The following PREX1 variants were observed in gnomAD, a reference collection of about 807,000 sequenced individuals.
The protein encoded by PREX1 is phosphatidylinositol-3,4,5-trisphosphate dependent Rac exchange factor 1.
Under a neutral mutation model 198.3 loss-of-function variants are expected in PREX1, and 41 were observed. The observed-to-expected ratio is 0.21, with a 90% CI of 0.16 to 0.27. PREX1 has a LOEUF of 0.27. PREX1 is among the 10% of genes least tolerant of loss of function. The probability of loss-of-function intolerance (pLI) is 1.00; values close to 1 mark genes in which losing one functional copy is unlikely to be tolerated. For missense variants in PREX1, 1,620 were observed against 2,200.7 expected (o/e 0.74, Z 5.28); for synonymous variants, 843 against 887.2 (o/e 0.95, Z 0.89).
intron 2 of PREX1, among the ~76,000 whole-genome samples, chr20:48,747,595 T>C (rs1392074663): frequency 1.3e-5 from 2 of 152,148 alleles, no homozygotes; most frequent in African/African-American, 4.8e-5. Flanking sequence ...GGGCTAAAAA[T>C]TCCTGCTGAC....
Position 48,679,376 on chromosome 20 carries a change from A to G in PREX1, c.1573T>C (p.Tyr525His). The change falls in exon 13 of 40, where the codon TAC becomes CAC. Residue 525 changes from tyrosine (Y) to histidine (H), a missense_variant. Around this residue, in one of 7 missense-constraint regions of PREX1, gnomAD observed 488 missense variants for 802.5 expected, o/e 0.61. Transcript: ENST00000371941. ...GTAACTTACTTGATCACCGGGGTGT[A>G]GAGGCTGTGAAGACGGCAGTAAAGC... Reference protein sequence around the residue: ...VRLYCRLHSLYTPVIKDRDYH... With the variant: ...VRLYCRLHSLHTPVIKDRDYH... The G allele has an allele frequency of 1.2e-6, 2 of 1,613,538 alleles. No individual in the cohort carries two copies. Among genetic ancestry groups the G allele is most frequent in the Non-Finnish European group, 1.7e-6 (2 of 1,179,488 alleles).
At chr20:48,831,987 C>G (rs1388272846), upstream of PREX1, among the ~76,000 whole-genome samples, 1 of 152,120 alleles carries the variant, frequency 6.6e-6, no homozygotes, top group Non-Finnish European at 1.5e-5. Context: ...ACCTCTATTC[C>G]CTTCTTCCCC....
Position 48,727,073 on chromosome 20 carries a change from G to A in PREX1, c.520-682C>T, listed in dbSNP as rs560210595. Among the ~76,000 whole-genome samples the A allele has an allele frequency of 6.6e-5, 10 of 152,294 alleles. No homozygotes were observed. The South Asian group carries it at 1.9e-3, about 28-fold the overall frequency. Reference sequence around the variant, plus strand: ...CATAAAACTATGCGCTGTTTATGGAGAGCATGTATGAGGTCAAATATAAAG... The same window carrying A: ...CATAAAACTATGCGCTGTTTATGGAAAGCATGTATGAGGTCAAATATAAAG... On this transcript the variant is annotated intron_variant, in intron 4 of 39. Coordinates refer to ENST00000371941, the MANE Select transcript of PREX1 (RefSeq NM_020820.4).
At chr20:48,709,911 G>A (rs1220895406) in intron 5 of PREX1, among the ~76,000 whole-genome samples, 1 of 152,144 alleles carries the variant, frequency 6.6e-6, no homozygotes, top group Admixed American at 6.5e-5. Context: ...TTCCCTGTCC[G>A]AAAACAAACA....
chr20:48,696,170 T>A (rs956605343), intron 7 of PREX1, among the ~76,000 whole-genome samples: 2 of 152,262 alleles, frequency 1.3e-5, no homozygotes, highest in African/African-American at 4.8e-5. Flanking sequence ...AGATATTTGC[T>A]TACTCCTAAA....
At chr20:48,726,158 G>C (rs1194961015) in intron 5 of PREX1, 132 bp downstream of exon 5, 3 of 684,026 alleles carry the variant, frequency 4.4e-6, no homozygotes, top group African/African-American at 3.6e-5. Flanking sequence ...AAAGAGGCAG[G>C]GTCCTGGTTT....
At chr20:48,655,888 C>T (rs530624757) in intron 18 of PREX1, among the ~76,000 whole-genome samples, 35 of 152,290 alleles carry the variant, frequency 2.3e-4, no homozygotes, top group Middle Eastern at 3.4e-3. Flanking sequence ...TGTCACTGCT[C>T]CTGGAGCATC....
intron 35 of PREX1, among the ~76,000 whole-genome samples, chr20:48,631,679 G>A (rs143239108): frequency 6.6e-6 from 1 of 152,272 alleles, no homozygotes; most frequent in East Asian, 1.9e-4. Context: ...TCATCTCCCT[G>A]GGGTCTTAAT....
At position 48,827,930 on chromosome 20, in the gene PREX1, A is replaced by C. The variant is rs1600540009; in HGVS notation, c.-70T>G. 5 of 609,034 alleles carry C rather than the reference A, an allele frequency of 8.2e-6. No homozygotes were observed. The highest frequency in any genetic ancestry group is 1.0e-5 in the Non-Finnish European group (5 of 490,418). The allele number at this position is 609,034 out of a possible 1,614,324, so 37.7% of individuals were successfully genotyped here. A position where few individuals can be genotyped will look rare whatever the true frequency, so the allele number is the denominator to read the frequency against. ...GGCAACTCAGGCGTCCAGGCGCCCC[A>C]TCCCGGACGGGGCGCGCCGGCGGGC... On this transcript the variant is annotated 5_prime_UTR_variant, in exon 1 of 40. An upstream start codon of the reference 5' UTR is lost. Transcript: ENST00000371941. This position sits in a 1 kb window ranked among gnomAD's most constrained non-coding sequence, Gnocchi z 4.1.
intron 1 of PREX1, among the ~76,000 whole-genome samples, chr20:48,814,733 T>C (rs1240302570): frequency 6.6e-6 from 1 of 152,196 alleles, no homozygotes; most frequent in Non-Finnish European, 1.5e-5. Context: ...AGAGGACTCC[T>C]TGTGCTGTTA....
At chr20:48,672,711 C>T (rs536573801) in intron 14 of PREX1, among the ~76,000 whole-genome samples, 14 of 152,370 alleles carry the variant, frequency 9.2e-5, no homozygotes, top group African/African-American at 3.4e-4. Flanking sequence ...CCTGGGCTCA[C>T]TCCCCACTTC....
At chr20:48,721,499 C>T (rs1255317803) in intron 5 of PREX1, among the ~76,000 whole-genome samples, 2 of 152,160 alleles carry the variant, frequency 1.3e-5, no homozygotes, top group African/African-American at 4.8e-5. Context: ...GGTGCAAAGG[C>T]CCTGAGGCAG....
intron 29 of PREX1, 144 bp from the exon 30 acceptor site, chr20:48,640,038 G>C (rs1408764984): frequency 8.7e-7 from 1 of 1,145,684 alleles, no homozygotes; most frequent in Non-Finnish European, 1.2e-6. Flanking sequence ...GGGCATTATC[G>C]GGTCCACAGA....
At chr20:48,797,642 C>G (rs936476595) in intron 1 of PREX1, among the ~76,000 whole-genome samples, 1 of 152,186 alleles carries the variant, frequency 6.6e-6, no homozygotes, top group Admixed American at 6.5e-5. Flanking sequence ...ACACCCCCGT[C>G]GGTCCCCGCT....
chr20:48,875,325 C>T, the PREX1 span, among the ~76,000 whole-genome samples: 7 of 152,078 alleles, frequency 4.6e-5, no homozygotes, highest in African/African-American at 1.7e-4. Flanking sequence ...CTGGAGAGGG[C>T]TGGGCATTGT....
chr20:48,697,969 G>A (rs917856532), intron 7 of PREX1, among the ~76,000 whole-genome samples: 3 of 152,210 alleles, frequency 2.0e-5, no homozygotes, highest in Non-Finnish European at 4.4e-5. Flanking sequence ...CAGTCACCAA[G>A]TCACTCCAGG....
chr20:48,839,559 T>G, the PREX1 span, among the ~76,000 whole-genome samples: 1 of 152,238 alleles, frequency 6.6e-6, no homozygotes, highest in Non-Finnish European at 1.5e-5. Context: ...GATCCTGCTT[T>G]GTTGCTCTTT....
At position 48,666,406 on chromosome 20, in the gene PREX1, C is replaced by T. The variant is rs1201002964; in HGVS notation, c.1666-51G>A. The stretch of plus-strand genomic sequence containing the variant: ...TGTTAGGTGGCAGCATCCGAGAGGC[C>T]ATGCATGGCCAACGAGAAGCCCACA... On this transcript the variant is annotated intron_variant, in intron 14 of 39. Coordinates refer to ENST00000371941, the MANE Select transcript of PREX1 (RefSeq NM_020820.4). The surrounding 1 kb of genome is among the most constrained non-coding windows in gnomAD (Gnocchi z 4.3). The T allele has an allele frequency of 6.9e-7, 1 of 1,453,648 alleles. No individual in the cohort carries two copies. The highest frequency in any genetic ancestry group is 1.2e-5 in the South Asian group (1 of 82,212). The allele number at this position is 1,453,648 out of a possible 1,614,324, so 90.0% of individuals were successfully genotyped here.
At chr20:48,701,534 G>T (rs2089874205) in intron 6 of PREX1, among the ~76,000 whole-genome samples, 1 of 150,756 alleles carries the variant, frequency 6.6e-6, no homozygotes, top group Non-Finnish European at 1.5e-5. Context: ...TTTATTGTGG[G>T]TTTTTTTTTC....
Sources: gnomAD v4.1 joint callset for allele counts (sites outside exome capture counted in the v4.1 genomes callset) on GRCh38, gnomAD v4.1.1 for gene constraint, gnomAD v4.1.1 regional missense constraint, Gnocchi (gnomAD v3.1) non-coding constraint, MANE v1.5 for transcripts, NCBI Gene and HGNC (gene_info 2026-07-23, HGNC 2026-07-21) for gene names.